The following RBFOX1 variants were observed in gnomAD, a reference collection of about 807,000 sequenced individuals.
RBFOX1 encodes RNA binding fox-1 homolog 1.
Under a neutral mutation model 57.7 loss-of-function variants are expected in RBFOX1, and 8 were observed. The ratio of observed to expected loss-of-function variants is 0.14; its 90% CI spans 0.08 to 0.25. RBFOX1 has a LOEUF of 0.25. RBFOX1 is among the 10% of genes least tolerant of loss of function. The pLI, the probability that RBFOX1 is intolerant of heterozygous loss-of-function variation, is 1.00. For synonymous variants in RBFOX1, 326 were observed against 222.4 expected (o/e 1.47, Z -4.15); for missense variants, 611 against 548.5 (o/e 1.11, Z -1.14).
chr16:7,634,347 G>A (rs68066681), intron 11 of RBFOX1, among the ~76,000 whole-genome samples: 6,233 of 148,868 alleles, frequency 0.042, 178 homozygotes, highest in South Asian at 0.12. Flanking sequence ...GTTTTTTTGC[G>A]TTTTTTTCCT....
intron 4 of RBFOX1, among the ~76,000 whole-genome samples, chr16:7,055,656 G>A (rs1005525626): frequency 2.0e-5 from 3 of 152,152 alleles, no homozygotes; most frequent in Non-Finnish European, 2.9e-5. Context: ...TCAATCACTG[G>A]CAAGGTGAAC....
intron 3 of RBFOX1, among the ~76,000 whole-genome samples, chr16:5,816,731 C>G (rs1309735264): frequency 2.6e-5 from 4 of 152,166 alleles, no homozygotes; most frequent in African/African-American, 4.8e-5. Flanking sequence ...CTGCAATGAG[C>G]CATGATCGTC....
chr16:7,399,274 C>T (rs547840185), intron 4 of RBFOX1, among the ~76,000 whole-genome samples: 1 of 150,102 alleles, frequency 6.7e-6, no homozygotes, highest in Admixed American at 6.6e-5. Context: ...ACGGAGAAAC[C>T]CCATCTCTAC....
At chr16:5,745,635 G>C (rs377424443) in intron 3 of RBFOX1, among the ~76,000 whole-genome samples, 3 of 152,130 alleles carry the variant, frequency 2.0e-5, no homozygotes, top group East Asian at 1.9e-4. Flanking sequence ...GATCGCCATT[G>C]TAACTGGTGT....
At chr16:6,946,481 A>G (rs1041918580) in intron 3 of RBFOX1, among the ~76,000 whole-genome samples, 3 of 152,184 alleles carry the variant, frequency 2.0e-5, no homozygotes, top group Admixed American at 2.0e-4. Context: ...GGCTTTCTGC[A>G]TAGCCTGTTT....
chr16:7,171,080 C>T (rs1375006711), intron 4 of RBFOX1, among the ~76,000 whole-genome samples: 1 of 152,194 alleles, frequency 6.6e-6, no homozygotes, highest in Non-Finnish European at 1.5e-5. Context: ...TGTTGGAGGT[C>T]CAGCTCCATC....
intron 1 of RBFOX1, among the ~76,000 whole-genome samples, chr16:6,098,811 T>C (rs1277907815): frequency 1.3e-5 from 2 of 152,090 alleles, no homozygotes; most frequent in Non-Finnish European, 2.9e-5. Flanking sequence ...TCCCGGAAAA[T>C]TCCTAAGTGG....
chr16:5,523,636 C>G (rs551561807), intron 2 of RBFOX1, among the ~76,000 whole-genome samples: 2 of 152,148 alleles, frequency 1.3e-5, no homozygotes, highest in South Asian at 2.1e-4. Context: ...AACAAACAAA[C>G]AAACAAACAG....
intron 1 of RBFOX1, among the ~76,000 whole-genome samples, chr16:5,290,498 C>G (rs1038709651): frequency 1.3e-5 from 2 of 152,070 alleles, no homozygotes; most frequent in African/African-American, 2.4e-5. Flanking sequence ...TGCACTGAAA[C>G]CATTGATTTG....
chr16:5,997,140 C>T (rs990922390), intron 4 of RBFOX1, among the ~76,000 whole-genome samples: 10 of 151,784 alleles, frequency 6.6e-5, no homozygotes, highest in Middle Eastern at 3.4e-3. Flanking sequence ...ATTGTCCAAA[C>T]CCACCAGGAA....
chr16:7,036,608 G>A (rs901157501), intron 3 of RBFOX1, among the ~76,000 whole-genome samples: 5 of 151,958 alleles, frequency 3.3e-5, no homozygotes, highest in South Asian at 2.1e-4. Context: ...CTGGAGAATC[G>A]CTTGAAACCG....
chr16:5,431,562 A>T (rs1013007007), intron 1 of RBFOX1, among the ~76,000 whole-genome samples: 1 of 151,862 alleles, frequency 6.6e-6, no homozygotes, highest in African/African-American at 2.4e-5. Context: ...TTTACTAGAG[A>T]CGGGGTTTCA....
chr16:6,805,607 A>C (rs1349652193), intron 3 of RBFOX1, among the ~76,000 whole-genome samples: 1 of 152,092 alleles, frequency 6.6e-6, no homozygotes, highest in Non-Finnish European at 1.5e-5. Context: ...ATGAAGAGCA[A>C]ATCAAATTAT....
chr16:7,119,289 A>C (rs1178907402), intron 4 of RBFOX1, among the ~76,000 whole-genome samples: 1 of 152,106 alleles, frequency 6.6e-6, no homozygotes, highest in African/African-American at 2.4e-5. Flanking sequence ...TAATTGACCA[A>C]CTATCCTCAG....
chr16:7,595,698 C>T (rs2094648117), intron 8 of RBFOX1, 57 bp downstream of exon 8: 6 of 1,431,696 alleles, frequency 4.2e-6, no homozygotes, highest in East Asian at 2.6e-5. Flanking sequence ...GCTTCACGCT[C>T]ATTCGTTGTT....
intron 1 of RBFOX1, among the ~76,000 whole-genome samples, chr16:6,056,824 T>A (rs910521854): frequency 6.7e-6 from 1 of 149,246 alleles, no homozygotes; most frequent in African/African-American, 2.5e-5. Context: ...TGACTGGACA[T>A]GTGATGAAGA....
At chr16:6,790,775 G>A (rs774308481) in intron 3 of RBFOX1, among the ~76,000 whole-genome samples, 5 of 152,170 alleles carry the variant, frequency 3.3e-5, no homozygotes, top group Admixed American at 6.5e-5. Context: ...AAAAGCTCAG[G>A]ATGGGAAATA....
intron 3 of RBFOX1, among the ~76,000 whole-genome samples, chr16:6,847,491 C>G (rs1176651140): frequency 6.6e-6 from 1 of 152,080 alleles, no homozygotes; most frequent in Non-Finnish European, 1.5e-5. Flanking sequence ...ATCCTTACCA[C>G]TGTGGCCCAC....
chr16:5,414,127 C>G (rs1400471457), intron 1 of RBFOX1, among the ~76,000 whole-genome samples: 3 of 152,100 alleles, frequency 2.0e-5, no homozygotes, highest in African/African-American at 7.2e-5. Flanking sequence ...GCACTCCCGA[C>G]CTGAACACAC....
Sources: gnomAD v4.1 joint callset for allele counts (sites outside exome capture counted in the v4.1 genomes callset) on GRCh38, gnomAD v4.1.1 for gene constraint, MANE v1.5 for transcripts, NCBI Gene and HGNC (gene_info 2026-07-23, HGNC 2026-07-21) for gene names.